The following CENPW variants were observed in gnomAD, a reference collection of about 807,000 sequenced individuals.
CENPW encodes the protein centromere protein W, also known as cancer-up-regulated gene 2 protein.
In CENPW, 3 loss-of-function variants were observed where a neutral mutation model predicts 11.1. The observed-to-expected ratio is 0.27, with a 90% CI of 0.12 to 0.70. CENPW has a LOEUF of 0.70. Ranked by LOEUF, CENPW falls within the 30% of genes least tolerant of loss-of-function variation. The probability of loss-of-function intolerance (pLI) is 0.77; values close to 1 mark genes in which losing one functional copy is unlikely to be tolerated. For synonymous variants in CENPW, 38 were observed against 42.0 expected (o/e 0.91, Z 0.37); for missense variants, 100 against 105.6 (o/e 0.95, Z 0.23).
the CENPW span, among the ~76,000 whole-genome samples, chr6:126,354,659 G>A: frequency 6.6e-6 from 1 of 152,080 alleles, no homozygotes; most frequent in Admixed American, 6.5e-5. Flanking sequence ...CCTAGAATTG[G>A]TAAATGTCTC....
chr6:126,395,153 A>G, the CENPW span, among the ~76,000 whole-genome samples: 1 of 152,100 alleles, frequency 6.6e-6, no homozygotes, highest in Admixed American at 6.6e-5. Context: ...CTTTAAGGGA[A>G]ATAACTCTTA....
At chr6:126,393,956 C>G in the CENPW span, among the ~76,000 whole-genome samples, 1 of 151,676 alleles carries the variant, frequency 6.6e-6, no homozygotes, top group Non-Finnish European at 1.5e-5. Flanking sequence ...TACTCCTGCT[C>G]TTTTTTTGGT....
intron 1 of CENPW, among the ~76,000 whole-genome samples, chr6:126,344,562 A>G (rs1047351419): frequency 7.9e-5 from 12 of 152,334 alleles, no homozygotes; most frequent in Middle Eastern, 3.4e-3. Context: ...TAAATGGGCT[A>G]TCATTGAAAG....
In CENPW at chr6:126,348,459, C is replaced by T; in HGVS notation, c.241-7C>T. Reference sequence around the variant, plus strand: ...TAATATGAATCTTATTTTTTTCCCTCTTACAGGTAATTCTAAAGAAGAGCA... The same window carrying T: ...TAATATGAATCTTATTTTTTTCCCTTTTACAGGTAATTCTAAAGAAGAGCA... On this transcript the variant is annotated splice_polypyrimidine_tract_variant and splice_region_variant and intron_variant, in intron 2 of 2. Transcript: ENST00000368328. 2 of 1,342,726 alleles carry T rather than the reference C, an allele frequency of 1.5e-6. No individual in the cohort carries two copies. The highest frequency in any genetic ancestry group is 1.2e-5 in the South Asian group (1 of 83,276). 83.2% of individuals were successfully genotyped at this position (1,342,726 alleles called of 1,614,324 possible).
the CENPW span, among the ~76,000 whole-genome samples, chr6:126,453,108 G>A: frequency 6.6e-6 from 1 of 151,148 alleles, no homozygotes; most frequent in Non-Finnish European, 1.5e-5. Context: ...AAGGGATGGA[G>A]AGAAAGCAAG....
At chr6:126,450,832 T>C in the CENPW span, among the ~76,000 whole-genome samples, 1 of 150,954 alleles carries the variant, frequency 6.6e-6, no homozygotes, top group Non-Finnish European at 1.5e-5. Flanking sequence ...GAAAATCTTA[T>C]AGGTAAATTT....
At chr6:126,414,693 T>C in the CENPW span, among the ~76,000 whole-genome samples, 45 of 151,480 alleles carry the variant, frequency 3.0e-4, no homozygotes, top group South Asian at 3.5e-3. Context: ...TTCAAGTAAA[T>C]GACCGAATGA....
the CENPW span, among the ~76,000 whole-genome samples, chr6:126,452,053 C>T: frequency 8.6e-5 from 13 of 151,106 alleles, no homozygotes; most frequent in African/African-American, 2.9e-4. Context: ...AATGCAAAGG[C>T]TTTGACAACT....
chr6:126,389,641 T>C, the CENPW span, among the ~76,000 whole-genome samples: 1 of 141,546 alleles, frequency 7.1e-6, no homozygotes. Context: ...AAACCCTTGT[T>C]ATCTATGACC....
At chr6:126,377,042 T>G in the CENPW span, among the ~76,000 whole-genome samples, 1 of 152,144 alleles carries the variant, frequency 6.6e-6, no homozygotes, top group Admixed American at 6.5e-5. Flanking sequence ...ATTTGTAGAT[T>G]CTGGGGGTAA....
chr6:126,362,312 T>A, the CENPW span, among the ~76,000 whole-genome samples: 2 of 152,170 alleles, frequency 1.3e-5, no homozygotes, highest in Non-Finnish European at 2.9e-5. Flanking sequence ...GCTTACTCCC[T>A]GGCCATATCC....
Position 126,340,199 on chromosome 6 carries a change from C to T in CENPW, c.-75C>T, listed in dbSNP as rs1354935459. The stretch of plus-strand genomic sequence containing the variant: ...ATACGGACCGGATTGTTTTCGCTGG[C>T]CCAGTGTCCCCGGAGCTTGTGTGCG... On this transcript the variant is annotated 5_prime_UTR_variant, in exon 1 of 3. Transcript: ENST00000368328. 1.4e-6 allele frequency: 2 copies of T among 1,398,290 alleles called. No homozygotes were observed. The highest frequency in any genetic ancestry group is 1.0e-6 in the Non-Finnish European group (1 of 997,718). 86.6% of individuals were successfully genotyped at this position (1,398,290 alleles called of 1,614,324 possible). A position where few individuals can be genotyped will look rare whatever the true frequency, so the allele number is the denominator to read the frequency against.
intron 1 of CENPW, among the ~76,000 whole-genome samples, chr6:126,344,274 T>C (rs560267445): frequency 4.6e-5 from 7 of 152,200 alleles, no homozygotes; most frequent in Admixed American, 2.0e-4. Flanking sequence ...ACCTTACATA[T>C]TGGGGGAAGT....
chr6:126,419,621 T>C, the CENPW span, among the ~76,000 whole-genome samples: 9 of 152,198 alleles, frequency 5.9e-5, no homozygotes, highest in Non-Finnish European at 1.2e-4. Context: ...TTTATTACTT[T>C]ACAGTTCTGG....
the CENPW span, among the ~76,000 whole-genome samples, chr6:126,406,804 A>T: frequency 0.43 from 65,221 of 151,242 alleles, 16,340 homozygotes; most frequent in East Asian, 0.97. Flanking sequence ...GTGAGCCAAG[A>T]TTGCACCACT....
intron 2 of CENPW, among the ~76,000 whole-genome samples, chr6:126,346,584 C>G (rs1780415595): frequency 6.6e-6 from 1 of 152,186 alleles, no homozygotes; most frequent in African/African-American, 2.4e-5. Flanking sequence ...GAAGATATAT[C>G]ACCTTGAAAT....
At chr6:126,390,185 AC>A in the CENPW span, among the ~76,000 whole-genome samples, 1 of 151,896 alleles carries the variant, frequency 6.6e-6, no homozygotes, top group Non-Finnish European at 1.5e-5. Flanking sequence ...GTCTACTGCA[AC>A]CCGCCTAAAA....
At chr6:126,399,756 G>A in the CENPW span, among the ~76,000 whole-genome samples, 1 of 151,824 alleles carries the variant, frequency 6.6e-6, no homozygotes, top group African/African-American at 2.4e-5. Context: ...AATGAATTTT[G>A]ACCTATGTAA....
the CENPW span, among the ~76,000 whole-genome samples, chr6:126,470,818 A>G: frequency 6.6e-6 from 1 of 152,222 alleles, no homozygotes; most frequent in South Asian, 2.1e-4. Context: ...TGATGGCCTC[A>G]CTGAATTTTG....
Sources: gnomAD v4.1 joint callset for allele counts (sites outside exome capture counted in the v4.1 genomes callset) on GRCh38, gnomAD v4.1.1 for gene constraint, MANE v1.5 for transcripts, NCBI Gene and HGNC (gene_info 2026-07-23, HGNC 2026-07-21) for gene names.